Variants in RPN2 observed in about 807,000 individuals in gnomAD.
RPN2 encodes dolichyl-diphosphooligosaccharide--protein glycosyltransferase subunit 2.
RPN2 carries 29 observed loss-of-function variants against 71.4 expected under a neutral mutation model. That is an observed-to-expected ratio of 0.41 (90% CI 0.30 to 0.55). The LOEUF (loss-of-function observed/expected upper bound fraction) is 0.55, where lower values mean the gene tolerates loss of function less well. RPN2 is among the 20% of genes least tolerant of loss of function. RPN2 has a pLI of 0.35. For synonymous variants in RPN2, 308 were observed against 305.0 expected, an observed-to-expected ratio of 1.01 and a Z score of -0.10; for missense variants, 726 against 774.1, an observed-to-expected ratio of 0.94 and a Z score of 0.74.
chr20:37,235,831 G>A lies in RPN2; in HGVS notation c.1754-749G>A, dbSNP rs537204550. On this transcript the variant is annotated intron_variant, in intron 15 of 16. Coordinates refer to ENST00000237530, the MANE Select transcript of RPN2 (RefSeq NM_002951.5). ...ACACCTGGCTAATTTTATATTTTTA[G>A]TAGAGAGAGGGTTTCACCATGTTGG... Among the ~76,000 whole-genome samples the A allele has an allele frequency of 1.5e-3, 228 of 151,902 alleles. 2 individuals carry two copies. Among genetic ancestry groups the A allele is most frequent in the African/African-American group, 5.2e-3 (214 of 41,428 alleles).
chr20:37,226,847 G>T (rs1008339322), intron 11 of RPN2, among the ~76,000 whole-genome samples: 3 of 152,082 alleles, frequency 2.0e-5, no homozygotes, highest in African/African-American at 4.8e-5. Context: ...TTAGTGTTAC[G>T]TGAAGGAAGA....
At chr20:37,191,971 C>T (rs910964821) in intron 2 of RPN2, among the ~76,000 whole-genome samples, 1 of 142,930 alleles carries the variant, frequency 7.0e-6, no homozygotes, top group Non-Finnish European at 1.5e-5. Context: ...GCATGCACCT[C>T]TAGTCCTAGC....
At chr20:37,224,460 T>C (rs994996562) in intron 10 of RPN2, among the ~76,000 whole-genome samples, 3 of 152,166 alleles carry the variant, frequency 2.0e-5, no homozygotes, top group African/African-American at 7.2e-5. Context: ...CACACGTGCT[T>C]AAAATTGAGA....
chr20:37,222,835 T>C (rs1303987812), intron 9 of RPN2, among the ~76,000 whole-genome samples: 1 of 152,280 alleles, frequency 6.6e-6, no homozygotes, highest in East Asian at 1.9e-4. Flanking sequence ...ATATTTACAT[T>C]GATTTTAATC....
chr20:37,188,648 C>T (rs555900209), intron 2 of RPN2, among the ~76,000 whole-genome samples: 54 of 146,036 alleles, frequency 3.7e-4, no homozygotes, highest in Middle Eastern at 3.7e-3. Context: ...GACAAGGCCT[C>T]GCTCTGTTGC....
rs2068275998 is a variant in RPN2, at chr20:37,232,391, G to A, written c.1677G>A (p.Leu559=). ...ILSPLLLLFA[L]WIRIGANVSN... is the part of the protein sequence containing the mutation. ...CGCCGTTGCTTCTGCTCTTCGCTCT[G>A]GTGAGTGGCTGTAATTAGCGTGGGC... Residue 559 remains leucine (L), a splice_region_variant and synonymous_variant, in exon 14 of 17, where the codon CTG becomes CTA. Transcript: ENST00000237530. 6.2e-7 allele frequency: 1 copy of A among 1,614,140 alleles called. No individual in the cohort carries two copies. The highest frequency in any genetic ancestry group is 8.5e-7 in the Non-Finnish European group (1 of 1,180,014).
chr20:37,217,538 G>T (rs1568987198), intron 9 of RPN2, among the ~76,000 whole-genome samples: 1 of 151,894 alleles, frequency 6.6e-6, no homozygotes, highest in African/African-American at 2.4e-5. Context: ...TGATCCGCCT[G>T]CCTCGGCCTC....
chr20:37,213,420 C>T (rs1308758840), intron 8 of RPN2, among the ~76,000 whole-genome samples: 1 of 152,054 alleles, frequency 6.6e-6, no homozygotes, highest in Admixed American at 6.5e-5. Flanking sequence ...AGGACCCTGT[C>T]TCTACAAAAA....
intron 9 of RPN2, among the ~76,000 whole-genome samples, chr20:37,223,029 C>G (rs1272293872): frequency 6.6e-6 from 1 of 152,176 alleles, no homozygotes. Flanking sequence ...TTTAGGTGGT[C>G]AACTGGAGGC....
At chr20:37,212,931 G>T (rs892905723) in intron 8 of RPN2, among the ~76,000 whole-genome samples, 8 of 152,242 alleles carry the variant, frequency 5.3e-5, no homozygotes, top group African/African-American at 1.9e-4. Context: ...CAATGGAGTG[G>T]TAAAAGACAT....
In RPN2 at chr20:37,223,931, C is replaced by G. The variant is rs775420634; in HGVS notation, c.1146C>G (p.Thr382=). The G allele has an allele frequency of 6.2e-7, 1 of 1,614,072 alleles. No homozygotes were observed. The highest frequency in any genetic ancestry group is 8.5e-7 in the Non-Finnish European group (1 of 1,179,986). The change falls in exon 10 of 17, where the codon ACC becomes ACG. Residue 382 remains threonine (T), a synonymous_variant. Coordinates refer to ENST00000237530, the MANE Select transcript of RPN2 (RefSeq NM_002951.5). ...GCATCACAAATGTTGATCTTTCCAC[C>G]GTGGATAAGGATCAGAGCATTGCAC... is the stretch of plus-strand genomic sequence containing the variant. ...EVGITNVDLS[T]VDKDQSIAPK...
At chr20:37,207,498 G>A (rs749340143) in intron 7 of RPN2, 49 bp downstream of exon 7, 8 of 1,568,732 alleles carry the variant, frequency 5.1e-6, no homozygotes, top group Non-Finnish European at 7.0e-6. Flanking sequence ...CATTCCTAGT[G>A]GAAGGCTTTC....
chr20:37,235,306 A>G (rs1296008279), intron 15 of RPN2, among the ~76,000 whole-genome samples: 3 of 152,084 alleles, frequency 2.0e-5, no homozygotes, highest in Non-Finnish European at 4.4e-5. Flanking sequence ...CCTGAATATA[A>G]ATCTGTTGAG....
intron 2 of RPN2, among the ~76,000 whole-genome samples, chr20:37,188,575 A>G (rs1486555274): frequency 1.3e-5 from 2 of 149,554 alleles, no homozygotes; most frequent in Non-Finnish European, 3.0e-5. Flanking sequence ...GAAGTTCAAT[A>G]TATTTAATTC....
chr20:37,240,339 A>C (rs1006992023), intron 16 of RPN2, among the ~76,000 whole-genome samples: 1 of 152,184 alleles, frequency 6.6e-6, no homozygotes, highest in African/African-American at 2.4e-5. Context: ...GAATGCCCAC[A>C]TATTAGTGTA....
chr20:37,189,046 G>A (rs2067078930), intron 2 of RPN2, among the ~76,000 whole-genome samples: 1 of 152,030 alleles, frequency 6.6e-6, no homozygotes, highest in Admixed American at 6.6e-5. Context: ...TGATCCTCCA[G>A]CCTCAGCCTC....
chr20:37,217,776 G>A (rs1429129973), intron 9 of RPN2, among the ~76,000 whole-genome samples: 1 of 151,254 alleles, frequency 6.6e-6, no homozygotes, highest in Non-Finnish European at 1.5e-5. Context: ...CACCCAGGCT[G>A]GAGTGCAGTG....
intron 8 of RPN2, among the ~76,000 whole-genome samples, chr20:37,211,199 TAATTTTTG>T (rs1450487220): frequency 2.0e-4 from 30 of 151,766 alleles, no homozygotes; most frequent in Admixed American, 1.4e-3. Flanking sequence ...TACGCCTGGC[TAATTTTTG>T]TATTTTTGGT....
intron 8 of RPN2, among the ~76,000 whole-genome samples, chr20:37,211,454 C>T (rs543240696): frequency 1.1e-3 from 170 of 151,064 alleles, no homozygotes; most frequent in South Asian, 0.011. Context: ...GCCTGGCCAA[C>T]ATGGCGAAAC....
Sources: allele counts gnomAD v4.1 joint callset (sites outside exome capture counted in the v4.1 genomes callset), GRCh38; gene constraint gnomAD v4.1.1; transcripts MANE v1.5; gene names NCBI Gene and HGNC (gene_info 2026-07-23, HGNC 2026-07-21).